The following FHIT variants were observed in gnomAD, a reference collection of about 807,000 sequenced individuals.
FHIT encodes fragile histidine triad diadenosine triphosphatase.
A neutral mutation model predicts 17.9 loss-of-function variants in FHIT; 19 were observed. The ratio of observed to expected loss-of-function variants is 1.06; its 90% CI spans 0.74 to 1.56. FHIT has a LOEUF of 1.56. Ranked by LOEUF, FHIT falls within the 40% of genes most tolerant of loss-of-function variation. The pLI is 0.00. For missense variants in FHIT, 248 were observed against 189.2 expected (o/e 1.31, Z -1.82); for synonymous variants, 81 against 69.7 (o/e 1.16, Z -0.81).
At chr3:60,027,704 T>G (rs61195801) in intron 5 of FHIT, among the ~76,000 whole-genome samples, 2 of 145,642 alleles carry the variant, frequency 1.4e-5, no homozygotes, top group South Asian at 4.7e-4. Context: ...GAATCTCTTC[T>G]GGTTCCATTT....
intron 2 of FHIT, among the ~76,000 whole-genome samples, chr3:61,187,435 C>T (rs551669034): frequency 9.2e-5 from 14 of 152,078 alleles, no homozygotes; most frequent in African/African-American, 2.7e-4. Flanking sequence ...ATAAAGCAAG[C>T]CCTTAGAGAC....
intron 4 of FHIT, among the ~76,000 whole-genome samples, chr3:60,637,351 C>A (rs113859206): frequency 6.6e-6 from 1 of 152,054 alleles, no homozygotes; most frequent in Admixed American, 6.6e-5. Flanking sequence ...TTCATTTCTC[C>A]CCTTAAAGAT....
chr3:60,545,573 C>A (rs1016458284), intron 4 of FHIT, among the ~76,000 whole-genome samples: 2 of 152,126 alleles, frequency 1.3e-5, no homozygotes, highest in Non-Finnish European at 2.9e-5. Flanking sequence ...CGCTCTAAAA[C>A]TTTGCTATTC....
At chr3:60,649,980 G>A (rs1164623624) in intron 4 of FHIT, among the ~76,000 whole-genome samples, 1 of 152,092 alleles carries the variant, frequency 6.6e-6, no homozygotes, top group Non-Finnish European at 1.5e-5. Flanking sequence ...CGCCAACTGG[G>A]TACATCTTCT....
intron 8 of FHIT, among the ~76,000 whole-genome samples, chr3:59,904,883 G>A (rs1345619528): frequency 6.6e-6 from 1 of 152,308 alleles, no homozygotes; most frequent in Non-Finnish European, 1.5e-5. Flanking sequence ...TTGTGAGTCT[G>A]CAAATAAGTC....
chr3:60,611,227 G>A (rs1324965233), intron 4 of FHIT, among the ~76,000 whole-genome samples: 1 of 152,160 alleles, frequency 6.6e-6, no homozygotes, highest in Non-Finnish European at 1.5e-5. Flanking sequence ...ACACAACACT[G>A]AAGGTCCAGT....
rs180934842 is a variant in FHIT, at chr3:59,956,768, A to G, written c.280-34354T>C. On this transcript the variant is annotated intron_variant, in intron 7 of 9. Transcript: ENST00000492590. ...GTAGCCACCTCACATAGTGGTGAAT[A>G]TTCAATAAAACAAAATGTGTGAAGC... Among the ~76,000 whole-genome samples, 685 of 152,352 alleles carry G rather than the reference A, an allele frequency of 4.5e-3. 6 individuals carry two copies. The highest frequency in any genetic ancestry group is 0.015 in the African/African-American group (633 of 41,566).
At chr3:60,556,796 G>A (rs190397067) in intron 4 of FHIT, among the ~76,000 whole-genome samples, 5 of 152,366 alleles carry the variant, frequency 3.3e-5, no homozygotes, top group African/African-American at 7.2e-5. Context: ...TTTGTCCCCT[G>A]TAGCTGCTGC....
chr3:60,439,526 A>C lies in FHIT; in HGVS notation c.103+97334T>G, dbSNP rs555360453. ...CTTTTAGTTTTGGGTACGGCCTCGA[A>C]GGATTACAGGTGATCAGATGGATGA... On this transcript the variant is annotated intron_variant, in intron 5 of 9. Coordinates refer to ENST00000492590, the MANE Select transcript of FHIT (RefSeq NM_002012.4). 1.1e-3 allele frequency among the ~76,000 whole-genome samples: 166 copies of C among 152,150 alleles called. 3 individuals carry two copies. The highest frequency in any genetic ancestry group is 3.7e-3 in the African/African-American group (152 of 41,538).
At chr3:60,616,550 T>C (rs1163436245) in intron 4 of FHIT, among the ~76,000 whole-genome samples, 2 of 152,154 alleles carry the variant, frequency 1.3e-5, no homozygotes, top group African/African-American at 2.4e-5. Context: ...CAATGAACAA[T>C]TGGGACTTGA....
intron 8 of FHIT, among the ~76,000 whole-genome samples, chr3:59,790,331 G>A (rs1428092051): frequency 6.6e-6 from 1 of 152,154 alleles, no homozygotes; most frequent in Non-Finnish European, 1.5e-5. Flanking sequence ...TTAAGGACAC[G>A]GTGCACTGAG....
chr3:60,845,290 A>T, intron 3 of FHIT, among the ~76,000 whole-genome samples: 1 of 152,078 alleles, frequency 6.6e-6, no homozygotes, highest in East Asian at 1.9e-4. Flanking sequence ...ACAATAAGAA[A>T]AAAATAATTA....
chr3:60,650,489 T>C (rs9869204), intron 4 of FHIT, among the ~76,000 whole-genome samples: 41,148 of 152,084 alleles, frequency 0.27, 6,490 homozygotes, highest in East Asian at 0.74. Context: ...GACACAGCTA[T>C]AGCTTCCCCC....
At chr3:60,323,680 G>A (rs1428231527) in intron 5 of FHIT, among the ~76,000 whole-genome samples, 1 of 152,168 alleles carries the variant, frequency 6.6e-6, no homozygotes, top group East Asian at 1.9e-4. Flanking sequence ...CTTTACATCT[G>A]CTCAGTTCCT....
chr3:59,827,665 G>A (rs953798439), intron 8 of FHIT, among the ~76,000 whole-genome samples: 1 of 152,208 alleles, frequency 6.6e-6, no homozygotes, highest in African/African-American at 2.4e-5. Flanking sequence ...ACTCAGTCGG[G>A]AATTAGTGGG....
intron 5 of FHIT, among the ~76,000 whole-genome samples, chr3:60,472,365 C>A (rs2033130955): frequency 7.0e-6 from 1 of 142,162 alleles, no homozygotes; most frequent in South Asian, 2.3e-4. Flanking sequence ...TTGTACAATG[C>A]TGTATTTTTT....
intron 5 of FHIT, among the ~76,000 whole-genome samples, chr3:60,103,249 G>A (rs1576105486): frequency 6.6e-6 from 1 of 152,122 alleles, no homozygotes; most frequent in Non-Finnish European, 1.5e-5. Flanking sequence ...GGGAGAAAAC[G>A]ATCACCCCTA....
chr3:60,352,315 A>G (rs1699445966), intron 5 of FHIT, among the ~76,000 whole-genome samples: 1 of 147,944 alleles, frequency 6.8e-6, no homozygotes, highest in Non-Finnish European at 1.5e-5. Flanking sequence ...TTTAAAGGTA[A>G]AAGATTCATA....
intron 8 of FHIT, among the ~76,000 whole-genome samples, chr3:59,844,300 A>AT (rs1486224309): frequency 2.0e-5 from 3 of 152,116 alleles, no homozygotes; most frequent in African/African-American, 7.2e-5. Flanking sequence ...TTCTGGTTGA[A>AT]TTTTTCTGGC....
Sources: gnomAD v4.1 joint callset for allele counts (sites outside exome capture counted in the v4.1 genomes callset) on GRCh38, gnomAD v4.1.1 for gene constraint, MANE v1.5 for transcripts, NCBI Gene and HGNC (gene_info 2026-07-23, HGNC 2026-07-21) for gene names.